PIP4P2: variants seen among roughly 807,000 people sequenced by gnomAD.
PIP4P2 encodes phosphatidylinositol-4,5-bisphosphate 4-phosphatase 2.
A neutral mutation model predicts 33.3 loss-of-function variants in PIP4P2; 19 were observed. The ratio of observed to expected loss-of-function variants is 0.57; its 90% CI spans 0.40 to 0.84. The LOEUF (loss-of-function observed/expected upper bound fraction) is 0.84. Ranked by LOEUF, PIP4P2 falls within the 40% of genes least tolerant of loss-of-function variation. PIP4P2 has a pLI of 0.00. For missense variants in PIP4P2, 270 were observed against 324.7 expected, an observed-to-expected ratio of 0.83 and a Z score of 1.29; for synonymous variants, 110 against 111.9, an observed-to-expected ratio of 0.98 and a Z score of 0.11.
chr8:90,996,579 G>A, intron 6 of PIP4P2, 75 bp downstream of exon 6: 1 of 1,251,104 alleles, frequency 8.0e-7, no homozygotes, highest in Non-Finnish European at 1.1e-6. Flanking sequence ...ATCCCTGAAG[G>A]TTGTCCCAGG....
At chr8:91,021,513 CTTTTA>C in intron 1 of PIP4P2, 109 bp from the exon 2 acceptor site, 2 of 1,320,294 alleles carry the variant, frequency 1.5e-6, no homozygotes, top group Non-Finnish European at 2.0e-6. Flanking sequence ...TTCCCACGTT[CTTTTA>C]TTTATTTTTC....
intron 1 of PIP4P2, among the ~76,000 whole-genome samples, chr8:91,032,296 G>A (rs1451562401): frequency 6.6e-6 from 1 of 152,058 alleles, no homozygotes; most frequent in Non-Finnish European, 1.5e-5. Flanking sequence ...ACAGCAACTG[G>A]AAAAGAAAAA....
chr8:91,011,436 A>C (rs1004399356), intron 4 of PIP4P2, among the ~76,000 whole-genome samples: 2 of 152,046 alleles, frequency 1.3e-5, no homozygotes, highest in Non-Finnish European at 2.9e-5. Flanking sequence ...CTTCTGGGAA[A>C]TTATTTTTCA....
chr8:91,017,145 G>A (rs1254953286), intron 4 of PIP4P2, among the ~76,000 whole-genome samples: 1 of 152,148 alleles, frequency 6.6e-6, no homozygotes, highest in Non-Finnish European at 1.5e-5. Context: ...TATTTAGTGG[G>A]TAATGTCTAA....
Position 90,994,478 on chromosome 8 carries a change from ATC to A in PIP4P2, c.*1197_*1198del, listed in dbSNP as rs1429757941. ...AATCACCAATCAATTTACTCAGATG[ATC>A]TCACTGTCTAATTCTACTACATTTA... On this transcript the variant is annotated 3_prime_UTR_variant, in exon 7 of 7. Transcript: ENST00000285419. 6 of 152,648 alleles carry A rather than the reference ATC, an allele frequency of 3.9e-5. No homozygotes were observed. Among genetic ancestry groups the A allele is most frequent in the Admixed American group, 3.3e-4 (5 of 15,310 alleles). The allele number at this position is 152,648 out of a possible 1,614,324, so 9.5% of individuals were successfully genotyped here.
rs1563571737 is a variant in PIP4P2, at chr8:91,040,827, T to TGCTGCCG, written c.-79_-78insCGGCAGC. On this transcript the variant is annotated 5_prime_UTR_variant, in exon 1 of 7. Transcript: ENST00000285419. ...CGGAGTGGTGGCTACTGCTGCTGCC[T>TGCTGCCG]CTGCTGCCGCTGCTGCCGCTGCAGC... 21 of 1,332,752 alleles carry TGCTGCCG rather than the reference T, an allele frequency of 1.6e-5. No individual in the cohort carries two copies. In the African/African-American group the frequency reaches 3.0e-4, roughly 19 times the overall value. 82.6% of individuals were successfully genotyped at this position (1,332,752 alleles called of 1,614,324 possible). A position where few individuals can be genotyped will look rare whatever the true frequency, so the allele number is the denominator to read the frequency against.
intron 1 of PIP4P2, among the ~76,000 whole-genome samples, chr8:91,021,893 G>A (rs1166249617): frequency 1.3e-5 from 2 of 152,116 alleles, no homozygotes; most frequent in Admixed American, 1.3e-4. Flanking sequence ...TGCTGGCTAT[G>A]ACAAGAATAA....
chr8:90,996,771 A>G, intron 5 of PIP4P2, 27 bp from the exon 6 acceptor site: 1 of 1,548,258 alleles, frequency 6.5e-7, no homozygotes, highest in Non-Finnish European at 8.8e-7. Flanking sequence ...GCAAAAGAGA[A>G]CATTAAGTAT....
intron 5 of PIP4P2, among the ~76,000 whole-genome samples, chr8:91,005,897 G>A (rs887476784): frequency 6.6e-6 from 1 of 152,288 alleles, no homozygotes. Context: ...GTGGCCACAA[G>A]CCACCTAATT....
At chr8:91,032,300 A>G (rs7846412) in intron 1 of PIP4P2, among the ~76,000 whole-genome samples, 72,048 of 152,048 alleles carry the variant, frequency 0.47, 19,288 homozygotes, top group South Asian at 0.65. Context: ...CAACTGGAAA[A>G]GAAAAAATCT....
intron 5 of PIP4P2, among the ~76,000 whole-genome samples, chr8:91,000,423 A>G (rs2130349607): frequency 6.7e-6 from 1 of 149,792 alleles, no homozygotes; most frequent in Middle Eastern, 3.5e-3. Context: ...TAGTAAGGGT[A>G]CCAGGATGGT....
At chr8:91,030,161 T>C (rs1326655226) in intron 1 of PIP4P2, among the ~76,000 whole-genome samples, 4 of 146,140 alleles carry the variant, frequency 2.7e-5, no homozygotes, top group Admixed American at 6.9e-5. Flanking sequence ...AAAAAGTAGA[T>C]CTCATTTGTG....
chr8:91,008,887 G>A, intron 4 of PIP4P2, 92 bp from the exon 5 acceptor site: 1 of 1,106,170 alleles, frequency 9.0e-7, no homozygotes, highest in Non-Finnish European at 1.3e-6. Flanking sequence ...ATGTCATCAG[G>A]GATCACAACA....
At chr8:91,018,601 G>A (rs1811954516) in intron 3 of PIP4P2, 88 bp from the exon 4 acceptor site, 1 of 1,560,248 alleles carries the variant, frequency 6.4e-7, no homozygotes, top group Non-Finnish European at 8.7e-7. Context: ...TATGAAATGT[G>A]CTATACTTGT....
At chr8:91,006,321 A>C (rs1004495672) in intron 5 of PIP4P2, among the ~76,000 whole-genome samples, 1 of 152,214 alleles carries the variant, frequency 6.6e-6, no homozygotes, top group African/African-American at 2.4e-5. Flanking sequence ...CCTTCCTCTT[A>C]GAATAATGTT....
At chr8:91,015,989 A>G (rs1211711803) in intron 4 of PIP4P2, among the ~76,000 whole-genome samples, 1 of 152,258 alleles carries the variant, frequency 6.6e-6, no homozygotes, top group Non-Finnish European at 1.5e-5. Context: ...GGAGCTAAGA[A>G]CATAAAGTAC....
At chr8:91,027,303 G>C (rs1029844679) in intron 1 of PIP4P2, among the ~76,000 whole-genome samples, 37 of 152,180 alleles carry the variant, frequency 2.4e-4, no homozygotes, top group African/African-American at 8.4e-4. Flanking sequence ...AAACTCCTGA[G>C]TCACTCTGAA....
intron 1 of PIP4P2, among the ~76,000 whole-genome samples, chr8:91,028,069 C>T (rs763929528): frequency 6.6e-6 from 1 of 152,130 alleles, no homozygotes; most frequent in Non-Finnish European, 1.5e-5. Flanking sequence ...CAATTAAACA[C>T]TGAATACAGG....
rs1811602498 is a variant in PIP4P2, at chr8:90,994,461, A to G, written c.*1216T>C. 2 of 152,612 alleles carry G rather than the reference A, an allele frequency of 1.3e-5. No individual in the cohort carries two copies. Among genetic ancestry groups the G allele is most frequent in the African/African-American group, 4.8e-5 (2 of 41,584 alleles). 9.5% of individuals were successfully genotyped at this position (152,612 alleles called of 1,614,324 possible). ...ATTAGTCTTATCTCTGGAATCACCA[A>G]TCAATTTACTCAGATGATCTCACTG... On this transcript the variant is annotated 3_prime_UTR_variant, in exon 7 of 7. Coordinates refer to ENST00000285419, the MANE Select transcript of PIP4P2 (RefSeq NM_018710.3).
Sources: gnomAD v4.1 joint callset for allele counts (sites outside exome capture counted in the v4.1 genomes callset) on GRCh38, gnomAD v4.1.1 for gene constraint, MANE v1.5 for transcripts, NCBI Gene and HGNC (gene_info 2026-07-23, HGNC 2026-07-21) for gene names.